LPP: variants seen among roughly 807,000 people sequenced by gnomAD.
The protein encoded by LPP is LIM domain containing preferred translocation partner in lipoma.
LPP carries 38 observed loss-of-function variants against 60.4 expected under a neutral mutation model. That is an observed-to-expected ratio of 0.63 (90% CI 0.49 to 0.83). The LOEUF (loss-of-function observed/expected upper bound fraction) is 0.83. LPP is among the 40% of genes least tolerant of loss of function. The pLI is 0.00. For missense variants in LPP, 902 were observed against 783.6 expected, an observed-to-expected ratio of 1.15 and a Z score of -1.80; for synonymous variants, 328 against 290.8, an observed-to-expected ratio of 1.13 and a Z score of -1.30.
chr3:188,844,016 G>A (rs1293594969), intron 9 of LPP, among the ~76,000 whole-genome samples: 2 of 152,056 alleles, frequency 1.3e-5, no homozygotes, highest in African/African-American at 2.4e-5. Context: ...AAAGTATTGG[G>A]TCTTAAAATT....
chr3:188,858,709 A>G (rs1425586341), intron 9 of LPP, among the ~76,000 whole-genome samples: 1 of 152,214 alleles, frequency 6.6e-6, no homozygotes, highest in Non-Finnish European at 1.5e-5. Context: ...TATGTAGTCC[A>G]AATACAAACA....
intron 7 of LPP, among the ~76,000 whole-genome samples, chr3:188,676,217 C>T (rs543238011): frequency 5.9e-5 from 9 of 152,234 alleles, no homozygotes; most frequent in Admixed American, 5.9e-4. Context: ...TAGACAAAAT[C>T]CTGCCTTGCA....
At chr3:188,561,317 G>A (rs763207636) in intron 6 of LPP, among the ~76,000 whole-genome samples, 1 of 152,010 alleles carries the variant, frequency 6.6e-6, no homozygotes, top group Non-Finnish European at 1.5e-5. Flanking sequence ...TGGTCCCCTT[G>A]ATACTTGAGT....
chr3:188,318,396 A>T (rs1299031954), intron 2 of LPP, among the ~76,000 whole-genome samples: 2 of 150,508 alleles, frequency 1.3e-5, no homozygotes, highest in South Asian at 4.2e-4. Flanking sequence ...ACATTTTTCT[A>T]AAACTAGGAT....
chr3:188,218,461 C>A (rs1471689216), intron 1 of LPP, among the ~76,000 whole-genome samples: 4 of 152,126 alleles, frequency 2.6e-5, no homozygotes, highest in Non-Finnish European at 5.9e-5. Flanking sequence ...CAGCCTAAGC[C>A]CAGAGATGCT....
chr3:188,623,914 C>T (rs1846288672), intron 7 of LPP, among the ~76,000 whole-genome samples: 1 of 152,144 alleles, frequency 6.6e-6, no homozygotes, highest in South Asian at 2.1e-4. Context: ...CATCTTCTAG[C>T]CTGCCCTGGC....
At chr3:188,811,353 C>T (rs1165758294) in intron 9 of LPP, among the ~76,000 whole-genome samples, 3 of 68,702 alleles carry the variant, frequency 4.4e-5, no homozygotes, top group South Asian at 7.0e-4. Context: ...GTGCTGTATA[C>T]ACACACACAC....
chr3:188,588,283 G>A (rs1837926311), intron 6 of LPP, among the ~76,000 whole-genome samples: 1 of 152,000 alleles, frequency 6.6e-6, no homozygotes. Flanking sequence ...ATGAAAAAAC[G>A]GTCCCCTCTC....
intron 3 of LPP, among the ~76,000 whole-genome samples, chr3:188,349,007 G>T (rs1765139797): frequency 6.6e-6 from 1 of 152,094 alleles, no homozygotes; most frequent in African/African-American, 2.4e-5. Flanking sequence ...TTCAGAAGGG[G>T]TCAAACTGGG....
At chr3:188,613,294 A>ATC (rs1844160647) in intron 7 of LPP, among the ~76,000 whole-genome samples, 1 of 141,734 alleles carries the variant, frequency 7.1e-6, no homozygotes, top group Non-Finnish European at 1.5e-5. Context: ...ATCTATATCT[A>ATC]TATCTATATC....
chr3:188,245,110 C>T (rs945190166), intron 2 of LPP, among the ~76,000 whole-genome samples: 1 of 151,938 alleles, frequency 6.6e-6, no homozygotes, highest in Non-Finnish European at 1.5e-5. Flanking sequence ...TCCCACCCTG[C>T]CCCCGCCTTT....
Position 188,883,854 on chromosome 3 carries a change from C to T in LPP, c.*9375C>T, listed in dbSNP as rs1770354118. On this transcript the variant is annotated 3_prime_UTR_variant, in exon 12 of 12. Transcript: ENST00000617246. The stretch of plus-strand genomic sequence containing the variant: ...GAAAACTCATTATTTCTAGTTAGTT[C>T]ATCTGTGGAAAAGGATATCGTTCTT... The T allele has an allele frequency of 4.9e-6, 1 of 203,904 alleles. No homozygotes were observed. Among genetic ancestry groups the T allele is most frequent in the Non-Finnish European group, 1.0e-5 (1 of 100,058 alleles). 12.6% of individuals were successfully genotyped at this position (203,904 alleles called of 1,614,324 possible). A position where few individuals can be genotyped will look rare whatever the true frequency, so the allele number is the denominator to read the frequency against.
chr3:188,789,163 C>T (rs558678889), intron 9 of LPP, among the ~76,000 whole-genome samples: 11 of 152,140 alleles, frequency 7.2e-5, no homozygotes, highest in South Asian at 6.2e-4. Flanking sequence ...AGACATAATG[C>T]TATTGCACAC....
chr3:188,490,751 A>ATTTTTT lies in LPP; in HGVS notation c.306+6063_306+6068dup, dbSNP rs58700818. ...AAGTTTTAGCAAAACTGGCACTGGA[A>ATTTTTT]TTTTTTTTTTTTTTTTTTTTTGGGA... On this transcript the variant is annotated intron_variant, in intron 5 of 11. Coordinates refer to ENST00000617246, the MANE Select transcript of LPP (RefSeq NM_001375462.1). Among the ~76,000 whole-genome samples, 45 of 91,734 alleles carry ATTTTTT rather than the reference A, an allele frequency of 4.9e-4. 5 individuals carry two copies. The highest frequency in any genetic ancestry group is 8.3e-4 in the African/African-American group (21 of 25,380). The allele number at this position is 91,734 out of a possible 152,430, so 60.2% of individuals were successfully genotyped here. A position where few individuals can be genotyped will look rare whatever the true frequency, so the allele number is the denominator to read the frequency against.
chr3:188,874,379 A>T lies in LPP; in HGVS notation c.1739A>T (p.Asp580Val), dbSNP rs1399227573. 1 of 1,614,036 alleles carries T rather than the reference A, an allele frequency of 6.2e-7. No individual in the cohort carries two copies. The highest frequency in any genetic ancestry group is 1.7e-5 in the Admixed American group (1 of 60,014). The change falls in exon 12 of 12, where the codon GAT (aspartate) becomes GTT (valine). Residue 580 changes from aspartate (D) to valine (V), a missense_variant. Asp to Val is a radical substitution (Grantham distance 152). Transcript: ENST00000617246. ...EDCGGLLSEGDNQGCYPLDGH... is the reference protein window; with the variant it reads ...EDCGGLLSEGVNQGCYPLDGH... ...TGCGGTGGTCTCCTGTCTGAAGGAG[A>T]TAACCAAGGCTGCTACCCCTTGGAT...
chr3:188,511,628 A>G (rs915345727), intron 5 of LPP, among the ~76,000 whole-genome samples: 4 of 151,970 alleles, frequency 2.6e-5, no homozygotes, highest in African/African-American at 9.7e-5. Context: ...CCAAATTCCA[A>G]TTCTTCCATT....
chr3:188,609,537 G>A lies in LPP; in HGVS notation c.806G>A (p.Gly269Glu). ...CAGTGTCCACCTCCTTCAACACGGG[G>A]AGGCATGGATTATGCCTACATTCCA... Reference protein sequence around the residue: ...SGQCPPPSTRGGMDYAYIPPP... With the variant: ...SGQCPPPSTREGMDYAYIPPP... Residue 269 changes from glycine (G) to glutamate (E), a missense_variant, in exon 7 of 12, where the codon GGA (glycine) becomes GAA (glutamate). By Grantham distance (98) the Gly-to-Glu change is moderately conservative. Coordinates refer to ENST00000617246, the MANE Select transcript of LPP (RefSeq NM_001375462.1). The surrounding 1 kb of genome is among the most constrained non-coding windows in gnomAD (Gnocchi z 6.9). 6.2e-7 allele frequency: 1 copy of A among 1,614,164 alleles called. No homozygotes were observed. The highest frequency in any genetic ancestry group is 1.1e-5 in the South Asian group (1 of 91,080).
chr3:188,251,150 CA>C (rs1729499572), intron 2 of LPP, among the ~76,000 whole-genome samples: 1 of 147,560 alleles, frequency 6.8e-6, no homozygotes, highest in Non-Finnish European at 1.5e-5. Flanking sequence ...TTATGGTCTT[CA>C]AGATTTCTGT....
intron 6 of LPP, among the ~76,000 whole-genome samples, chr3:188,604,964 G>A (rs747498600): frequency 1.1e-4 from 17 of 152,094 alleles, no homozygotes; most frequent in Non-Finnish European, 2.1e-4. Flanking sequence ...AAAGACAATG[G>A]AGAAGTGCAT....
Sources: gnomAD v4.1 joint callset for allele counts (sites outside exome capture counted in the v4.1 genomes callset) on GRCh38, gnomAD v4.1.1 for gene constraint, Gnocchi (gnomAD v3.1) non-coding constraint, MANE v1.5 for transcripts, NCBI Gene and HGNC (gene_info 2026-07-23, HGNC 2026-07-21) for gene names.